IL20RA: variants seen among roughly 807,000 people sequenced by gnomAD.
IL20RA encodes the protein interleukin 20 receptor subunit alpha, also known as interleukin-20 receptor subunit alpha.
IL20RA carries 29 observed loss-of-function variants against 36.5 expected under a neutral mutation model. That is an observed-to-expected ratio of 0.79 (90% CI 0.59 to 1.08). IL20RA has a LOEUF of 1.08. IL20RA is among the 50% of genes least tolerant of loss of function. The pLI, the probability that IL20RA is intolerant of heterozygous loss-of-function variation, is 0.00. For synonymous variants in IL20RA, 279 were observed against 267.1 expected, an observed-to-expected ratio of 1.04 and a Z score of -0.43; for missense variants, 652 against 668.4, an observed-to-expected ratio of 0.98 and a Z score of 0.27.
intron 1 of IL20RA, among the ~76,000 whole-genome samples, chr6:137,040,938 G>T (rs566799829): frequency 4.1e-4 from 62 of 152,264 alleles, no homozygotes; most frequent in African/African-American, 1.4e-3. Context: ...GTCACACAGT[G>T]AAAAATCGTA....
At chr6:137,037,484 A>G (rs1776529457) in intron 1 of IL20RA, among the ~76,000 whole-genome samples, 1 of 152,186 alleles carries the variant, frequency 6.6e-6, no homozygotes, top group South Asian at 2.1e-4. Context: ...AGCAAAATGA[A>G]ATTGTACTAA....
At chr6:137,042,215 G>GC (rs71009525) in intron 1 of IL20RA, among the ~76,000 whole-genome samples, 148,046 of 152,236 alleles carry the variant, frequency 0.97, 72,093 homozygotes, top group East Asian at 1. Context: ...ACTTTGGCTT[G>GC]TCTGGGAAGT....
chr6:137,002,080 A>T lies in IL20RA; in HGVS notation c.1140T>A (p.Thr380=). 6.2e-7 allele frequency: 1 copy of T among 1,614,208 alleles called. No individual in the cohort carries two copies. The highest frequency in any genetic ancestry group is 8.5e-7 in the Non-Finnish European group (1 of 1,180,052). Residue 380 remains threonine (T), a synonymous_variant, in exon 7 of 7, where the codon ACT becomes ACA. Transcript: ENST00000316649. ...FCDSEENTEG[T]SLTQQESLSR... ...TGAGGGACTCTTGCTGGGTGAGAGA[A>T]GTACCTTCCGTGTTTTCTTCAGAGT...
rs1012247282 is a variant in IL20RA at position 137,004,836 on chromosome 6, C to G, written c.725-76G>C. On this transcript the variant is annotated intron_variant, in intron 5 of 6. Transcript: ENST00000316649. ...TGTGATTTGATGTGATGGGAAAAAC[C>G]TCGTATCGTTAAGCTGCTTCTGTGC... The G allele has an allele frequency of 1.2e-5, 16 of 1,375,140 alleles. No individual in the cohort carries two copies. In the Admixed American group the frequency reaches 1.6e-4, roughly 14 times the overall value. 85.2% of individuals were successfully genotyped at this position (1,375,140 alleles called of 1,614,324 possible).
intron 1 of IL20RA, chr6:137,042,642 A>T (rs553950610): frequency 2.6e-5 from 4 of 151,870 alleles, no homozygotes; most frequent in Non-Finnish European, 5.9e-5. Flanking sequence ...AAATACCAAG[A>T]TTTCCCTACA....
At chr6:137,032,117 A>G (rs1776316051) in intron 1 of IL20RA, among the ~76,000 whole-genome samples, 1 of 151,990 alleles carries the variant, frequency 6.6e-6, no homozygotes, top group Non-Finnish European at 1.5e-5. Context: ...TCTACTTGGT[A>G]TGAATTAGAA....
At position 137,044,627 on chromosome 6, in the gene IL20RA, C is replaced by T. The variant is rs1162376040; in HGVS notation, c.88+14G>A. ...GGCATCCCCGACCCGCACCTGGCGGCGCGACCCACCTACCTGCCCGTCCCC... is the reference window on the plus strand; with the variant it reads ...GGCATCCCCGACCCGCACCTGGCGGTGCGACCCACCTACCTGCCCGTCCCC... On this transcript the variant is annotated intron_variant, in intron 1 of 6. Coordinates refer to ENST00000316649, the MANE Select transcript of IL20RA (RefSeq NM_014432.4). 3.3e-6 allele frequency: 4 copies of T among 1,221,012 alleles called. No homozygotes were observed. The highest frequency in any genetic ancestry group is 4.1e-6 in the Non-Finnish European group (4 of 980,678). The allele number at this position is 1,221,012 out of a possible 1,614,324, so 75.6% of individuals were successfully genotyped here. A position where few individuals can be genotyped will look rare whatever the true frequency, so the allele number is the denominator to read the frequency against.
At chr6:137,016,117 C>T (rs980975750) in intron 2 of IL20RA, among the ~76,000 whole-genome samples, 3 of 152,200 alleles carry the variant, frequency 2.0e-5, no homozygotes, top group Non-Finnish European at 2.9e-5. Context: ...GTGCCACCTC[C>T]CTTTCCTCCT....
intron 1 of IL20RA, among the ~76,000 whole-genome samples, chr6:137,028,997 T>G (rs751228163): frequency 5.9e-5 from 9 of 152,248 alleles, no homozygotes; most frequent in Non-Finnish European, 1.3e-4. Flanking sequence ...GTTGAAAGTT[T>G]GCCACTCAAT....
intron 1 of IL20RA, among the ~76,000 whole-genome samples, chr6:137,037,531 A>G (rs937116861): frequency 1.3e-5 from 2 of 152,220 alleles, no homozygotes. Context: ...TCTGTGTCTC[A>G]TAGATGACAA....
chr6:137,017,359 T>G (rs1775736822), intron 1 of IL20RA, among the ~76,000 whole-genome samples: 1 of 152,158 alleles, frequency 6.6e-6, no homozygotes, highest in Non-Finnish European at 1.5e-5. Flanking sequence ...GTTGAGAGAT[T>G]GCACGAAGAG....
At chr6:137,011,736 G>A (rs1210043270) in intron 2 of IL20RA, among the ~76,000 whole-genome samples, 1 of 152,182 alleles carries the variant, frequency 6.6e-6, no homozygotes, top group Non-Finnish European at 1.5e-5. Context: ...TTTGGCTACA[G>A]TGAAATTTTT....
intron 1 of IL20RA, among the ~76,000 whole-genome samples, chr6:137,022,768 C>T (rs927110428): frequency 2.6e-5 from 4 of 152,096 alleles, no homozygotes; most frequent in Non-Finnish European, 5.9e-5. Flanking sequence ...AACAGATATC[C>T]TTATAAGAAG....
chr6:137,030,886 C>T (rs1480901791), intron 1 of IL20RA, among the ~76,000 whole-genome samples: 1 of 152,170 alleles, frequency 6.6e-6, no homozygotes, highest in Non-Finnish European at 1.5e-5. Context: ...AATTCAAACA[C>T]TCCTTGGACA....
At chr6:137,008,131 T>G (rs568627179) in intron 5 of IL20RA, among the ~76,000 whole-genome samples, 1 of 151,902 alleles carries the variant, frequency 6.6e-6, no homozygotes, top group Non-Finnish European at 1.5e-5. Flanking sequence ...CCAAGCCTGG[T>G]TGATTTTATT....
intron 1 of IL20RA, among the ~76,000 whole-genome samples, chr6:137,030,416 C>T (rs1024572271): frequency 1.3e-5 from 2 of 152,050 alleles, no homozygotes; most frequent in Non-Finnish European, 2.9e-5. Context: ...TCAGTAAGTA[C>T]TTCAGTAAGC....
At chr6:137,031,807 C>A (rs971274970) in intron 1 of IL20RA, among the ~76,000 whole-genome samples, 1 of 152,174 alleles carries the variant, frequency 6.6e-6, no homozygotes, top group African/African-American at 2.4e-5. Flanking sequence ...GTAGTTACAG[C>A]ATTTTGGGAG....
At chr6:137,026,700 C>T (rs901939063) in intron 1 of IL20RA, among the ~76,000 whole-genome samples, 6 of 152,070 alleles carry the variant, frequency 3.9e-5, no homozygotes, top group African/African-American at 7.2e-5. Flanking sequence ...TTCTAACCGC[C>T]GAAGAGCAAA....
chr6:137,025,288 C>T (rs1202214775), intron 1 of IL20RA, among the ~76,000 whole-genome samples: 4 of 152,038 alleles, frequency 2.6e-5, no homozygotes, highest in African/African-American at 9.7e-5. Flanking sequence ...GGGATTAGTG[C>T]CCTTATAAAA....
Sources: allele counts gnomAD v4.1 joint callset (sites outside exome capture counted in the v4.1 genomes callset), GRCh38; gene constraint gnomAD v4.1.1; transcripts MANE v1.5; gene names NCBI Gene and HGNC (gene_info 2026-07-23, HGNC 2026-07-21).